Variants in NRAP observed in about 807,000 individuals in gnomAD.
The protein encoded by NRAP is nebulin-related-anchoring protein.
NRAP carries 189 observed loss-of-function variants against 225.9 expected under a neutral mutation model. The observed-to-expected ratio is 0.84, with a 90% confidence interval of 0.74 to 0.94. NRAP has a LOEUF of 0.94. Among genes scored for constraint, NRAP ranks in the 40% least tolerant of loss-of-function variants. NRAP has a pLI of 0.00. For missense variants in NRAP, 2,176 were observed against 2,168.7 expected, an observed-to-expected ratio of 1.00 and a Z score of -0.07; for synonymous variants, 769 against 790.7, an observed-to-expected ratio of 0.97 and a Z score of 0.46.
intron 25 of NRAP, among the ~76,000 whole-genome samples, chr10:113,619,978 G>T (rs896184110): frequency 6.6e-6 from 1 of 152,092 alleles, no homozygotes; most frequent in African/African-American, 2.4e-5. Flanking sequence ...GCGGGGCACA[G>T]GATAACCCCA....
chr10:113,615,117 C>T (rs921460070), intron 27 of NRAP, among the ~76,000 whole-genome samples, 171 bp from the exon 28 acceptor site: 3 of 148,626 alleles, frequency 2.0e-5, no homozygotes, highest in Non-Finnish European at 4.5e-5. Context: ...GATCCTGCCT[C>T]GTGCCCACCT....
chr10:113,605,065 G>T, intron 34 of NRAP, 145 bp from the exon 35 acceptor site: 2 of 766,454 alleles, frequency 2.6e-6, no homozygotes, highest in Non-Finnish European at 4.1e-6. Flanking sequence ...TCCTCCCTGG[G>T]GGATGAACAA....
In NRAP at chr10:113,588,993, C is replaced by CTTCT; in HGVS notation, c.5171_5174dup (p.Lys1726GlufsTer15). On this transcript the variant is annotated frameshift_variant, in exon 42 of 42. Transcript: ENST00000359988. LOFTEE classifies it high-confidence loss of function. ...ACATGGCTCACAACAGCAGGGCCTT[C>CTTCT]TTCTTTTTGACGTGCAGAATCTCAG... is the stretch of plus-strand genomic sequence containing the variant. 1 of 1,611,372 alleles carries CTTCT rather than the reference C, an allele frequency of 6.2e-7. No homozygotes were observed. Among genetic ancestry groups the CTTCT allele is most frequent in the Non-Finnish European group, 8.5e-7 (1 of 1,179,820 alleles).
In NRAP at chr10:113,629,098, G is replaced by C. The variant is rs188846623; in HGVS notation, c.2041-77C>G. 4.8e-6 allele frequency: 5 copies of C among 1,045,302 alleles called. No homozygotes were observed. The South Asian group carries it at 6.4e-5, about 13-fold the overall frequency. The allele number at this position is 1,045,302 out of a possible 1,614,324, so 64.8% of individuals were successfully genotyped here. A position where few individuals can be genotyped will look rare whatever the true frequency, so the allele number is the denominator to read the frequency against. The stretch of plus-strand genomic sequence containing the variant: ...ACAAAGTTGATGGGAGAGTTAAGAA[G>C]ATCTTGATCCTGCATTTGCCTTCCT... On this transcript the variant is annotated intron_variant, in intron 19 of 41. Coordinates refer to ENST00000359988, the MANE Select transcript of NRAP (RefSeq NM_198060.4).
At chr10:113,656,130 A>G (rs1432127139) in intron 4 of NRAP, among the ~76,000 whole-genome samples, 1 of 152,200 alleles carries the variant, frequency 6.6e-6, no homozygotes, top group Non-Finnish European at 1.5e-5. Context: ...TCTGATAAGA[A>G]ATATTTACAA....
rs1335477591 is a variant in NRAP, at chr10:113,652,856, GT to G, written c.570+78del. The stretch of plus-strand genomic sequence containing the variant: ...TACTTCCCCAAAGCACTCTCTTACT[GT>G]TTTTTCCCTAAATCACGGGGGCTCA... On this transcript the variant is annotated intron_variant, in intron 6 of 41. Coordinates refer to ENST00000359988, the MANE Select transcript of NRAP (RefSeq NM_198060.4). 14 of 947,158 alleles carry G rather than the reference GT, an allele frequency of 1.5e-5. No homozygotes were observed. The East Asian group carries it at 2.9e-4, about 19-fold the overall frequency. 58.7% of individuals were successfully genotyped at this position (947,158 alleles called of 1,614,324 possible). A position where few individuals can be genotyped will look rare whatever the true frequency, so the allele number is the denominator to read the frequency against.
At chr10:113,597,242 G>A in intron 36 of NRAP, 58 bp from the exon 37 acceptor site, 2 of 1,090,600 alleles carry the variant, frequency 1.8e-6, no homozygotes, top group East Asian at 4.7e-5. Context: ...GCATCTTTCA[G>A]GGTGCAGCTT....
chr10:113,659,649 T>A (rs1850538527), intron 3 of NRAP, among the ~76,000 whole-genome samples: 1 of 152,158 alleles, frequency 6.6e-6, no homozygotes, highest in African/African-American at 2.4e-5. Context: ...TAAATTTCGT[T>A]CTCTGAATAG....
intron 14 of NRAP, among the ~76,000 whole-genome samples, chr10:113,639,376 A>G (rs1189554445): frequency 6.6e-6 from 1 of 152,224 alleles, no homozygotes. Flanking sequence ...AGCAAGAGAG[A>G]GAGAGACAGA....
In NRAP at chr10:113,589,796, AC is replaced by A. The variant is rs1845842545; in HGVS notation, c.4957del (p.Val1653SerfsTer7). 6.2e-7 allele frequency: 1 copy of A among 1,613,596 alleles called. No homozygotes were observed. The highest frequency in any genetic ancestry group is 8.5e-7 in the Non-Finnish European group (1 of 1,179,854). On this transcript the variant is annotated frameshift_variant and splice_region_variant, in exon 41 of 42. Coordinates refer to ENST00000359988, the MANE Select transcript of NRAP (RefSeq NM_198060.4). LOFTEE classifies it high-confidence loss of function. ...CAGGTTCAAGTCTGATTTATACTTG[AC>A]CTTGAGGGTAAGAGGGAAGCAAGAG... is the stretch of plus-strand genomic sequence containing the variant. The part of the protein sequence containing the change: ...AQKAHQLQSD[V>X]KYKSDLNLTR...
chr10:113,596,256 A>T (rs1488216288), intron 37 of NRAP, among the ~76,000 whole-genome samples: 1 of 152,364 alleles, frequency 6.6e-6, no homozygotes, highest in East Asian at 1.9e-4. Flanking sequence ...TTAAAACTCA[A>T]AGATTTATCT....
rs996614689 is a variant in NRAP at position 113,633,149 on chromosome 10, A to G, written c.1567T>C (p.Tyr523His). The change falls in exon 16 of 42, where the codon TAC (tyrosine) becomes CAC (histidine). Residue 523 changes from tyrosine to histidine, a missense_variant. Tyr to His is a moderately conservative substitution (Grantham distance 83). Coordinates refer to ENST00000359988, the MANE Select transcript of NRAP (RefSeq NM_198060.4). ...TGAGGAACATCCTGGGGCAATGTGT[A>G]ATTCAACTTATTTTTCTCATAGTCA... ...RADYEKNKLN[Y>H]TLPQDVPQLV... is the part of the protein sequence containing the mutation. 40 of 1,608,772 alleles carry G rather than the reference A, an allele frequency of 2.5e-5. No homozygotes were observed. Among genetic ancestry groups the G allele is most frequent in the Non-Finnish European group, 6.0e-6 (7 of 1,175,282 alleles).
Position 113,641,458 on chromosome 10 carries a change from T to G in NRAP, c.1230A>C (p.Glu410Asp). 1 of 1,611,178 alleles carries G rather than the reference T, an allele frequency of 6.2e-7. No homozygotes were observed. The highest frequency in any genetic ancestry group is 8.5e-7 in the Non-Finnish European group (1 of 1,177,398). The change falls in exon 13 of 42, where the codon GAA becomes GAC. Residue 410 changes from glutamate to aspartate, a missense_variant. This residue lies in a region of NRAP where 1,708 missense variants were observed against 1,695.5 expected (regional missense o/e 1.01). Coordinates refer to ENST00000359988, the MANE Select transcript of NRAP (RefSeq NM_198060.4). ...SKFTSDNKYKENYQNHMRGRY... is the reference protein window; with the variant it reads ...SKFTSDNKYKDNYQNHMRGRY... The stretch of plus-strand genomic sequence containing the variant: ...GGCCTCTCATGTGGTTCTGGTAGTT[T>G]TCTTTATATTTATTCTACATGGAAA...
At position 113,652,956 on chromosome 10, in the gene NRAP, T is replaced by C. The variant is rs1340009226; in HGVS notation, c.549A>G (p.Lys183=). 1 of 1,612,752 alleles carries C rather than the reference T, an allele frequency of 6.2e-7. No individual in the cohort carries two copies. Among genetic ancestry groups the C allele is most frequent in the Non-Finnish European group, 8.5e-7 (1 of 1,179,584 alleles). ...MITPAYQRAK[K]ANQLASQVEY... ...TCACTTGGCTGGCCAGCTGGTTGGC[T>C]TTCTTGGCCCTTTGATAAGCAGGTG... Residue 183 remains lysine (K), a synonymous_variant, in exon 6 of 42, where the codon AAA becomes AAG. Coordinates refer to ENST00000359988, the MANE Select transcript of NRAP (RefSeq NM_198060.4).
At chr10:113,649,888 C>A in intron 9 of NRAP, 149 bp downstream of exon 9, 2 of 592,380 alleles carry the variant, frequency 3.4e-6, no homozygotes, top group Admixed American at 5.8e-5. Flanking sequence ...TGTTTGTCCA[C>A]TACTTTCTAT....
chr10:113,589,163 A>C, intron 41 of NRAP, 84 bp from the exon 42 acceptor site: 1 of 1,089,542 alleles, frequency 9.2e-7, no homozygotes, highest in Non-Finnish European at 1.4e-6. Flanking sequence ...ACACGCTAAG[A>C]AGCACAGGGA....
intron 14 of NRAP, 56 bp downstream of exon 14, chr10:113,640,171 C>T: frequency 1.0e-6 from 1 of 1,000,406 alleles, no homozygotes; most frequent in Non-Finnish European, 1.6e-6. Context: ...CAAATCACTC[C>T]TCAGGAAGGA....
At chr10:113,601,975 T>C (rs1339052667) in intron 35 of NRAP, among the ~76,000 whole-genome samples, 7 of 152,192 alleles carry the variant, frequency 4.6e-5, no homozygotes, top group African/African-American at 9.6e-5. Context: ...AACCTCTGCC[T>C]CCTGGGCTCA....
intron 5 of NRAP, 54 bp from the exon 6 acceptor site, chr10:113,653,093 C>A: frequency 1.1e-6 from 1 of 938,244 alleles, no homozygotes; most frequent in Non-Finnish European, 1.6e-6. Flanking sequence ...TGAATGACAA[C>A]TAAGAAAACC....
Sources: allele counts gnomAD v4.1 joint callset (sites outside exome capture counted in the v4.1 genomes callset), GRCh38; gene constraint gnomAD v4.1.1; regional missense constraint gnomAD v4.1.1; transcripts MANE v1.5; gene names NCBI Gene and HGNC (gene_info 2026-07-23, HGNC 2026-07-21).